The following EFCAB8 variants were observed in gnomAD, a reference collection of about 807,000 sequenced individuals.
The protein encoded by EFCAB8 is EF-hand calcium-binding domain-containing protein 8.
A neutral mutation model predicts 116.3 loss-of-function variants in EFCAB8; 100 were observed. The ratio of observed to expected loss-of-function variants is 0.86; its 90% confidence interval spans 0.73 to 1.02. The LOEUF is 1.02. Ranked by LOEUF, EFCAB8 falls within the 50% of genes least tolerant of loss-of-function variation. The pLI is 0.00. For missense variants in EFCAB8, 1,320 were observed against 1,416.9 expected (o/e 0.93, Z 1.10); for synonymous variants, 558 against 567.9 (o/e 0.98, Z 0.25).
At chr20:32,909,437 T>C (rs142129677) in intron 14 of EFCAB8, among the ~76,000 whole-genome samples, 2 of 152,282 alleles carry the variant, frequency 1.3e-5, no homozygotes, top group East Asian at 3.9e-4. Context: ...CTATGTGTTA[T>C]GGTAGAGTTG....
intron 10 of EFCAB8, among the ~76,000 whole-genome samples, chr20:32,897,973 G>A (rs542315570): frequency 7.2e-5 from 11 of 152,302 alleles, no homozygotes; most frequent in East Asian, 3.9e-4. Context: ...AGTTGGCGCC[G>A]GAGAATTCAG....
At position 32,941,216 on chromosome 20, in the gene EFCAB8, C is replaced by T. The variant is rs779417571; in HGVS notation, c.2791-2420C>T. Among the ~76,000 whole-genome samples, 7 of 148,080 alleles carry T rather than the reference C, an allele frequency of 4.7e-5. 1 individual carries two copies. The highest frequency in any genetic ancestry group is 8.9e-5 in the Non-Finnish European group (6 of 67,074). ...GCAGTGAGCAGAGATCATGCCATTG[C>T]GTTCCAGTCTGGGCAACAAGAGCAA... is the stretch of plus-strand genomic sequence containing the variant. On this transcript the variant is annotated intron_variant, in intron 22 of 26. Coordinates refer to ENST00000400522, the MANE Select transcript of EFCAB8 (RefSeq NM_001143967.2).
At chr20:32,923,783 A>G (rs1987560422) in intron 20 of EFCAB8, among the ~76,000 whole-genome samples, 3 of 152,126 alleles carry the variant, frequency 2.0e-5, no homozygotes, top group South Asian at 4.2e-4. Flanking sequence ...GAGCCATGGC[A>G]TTCCTTTTAC....
intron 5 of EFCAB8, among the ~76,000 whole-genome samples, chr20:32,884,007 A>G (rs1018963813): frequency 9.2e-5 from 14 of 152,134 alleles, no homozygotes; most frequent in Non-Finnish European, 1.6e-4. Flanking sequence ...AAGTGCTGGG[A>G]TTACAGGCGT....
At chr20:32,901,965 C>T (rs1264736585) in intron 11 of EFCAB8, among the ~76,000 whole-genome samples, 1 of 152,166 alleles carries the variant, frequency 6.6e-6, no homozygotes, top group African/African-American at 2.4e-5. Context: ...GGATTACAGG[C>T]GTGAGCCACC....
At chr20:32,910,738 CTTTTTTTTT>C (rs34185318) in intron 15 of EFCAB8, among the ~76,000 whole-genome samples, 8 of 107,314 alleles carry the variant, frequency 7.5e-5, no homozygotes, top group African/African-American at 2.4e-4. Flanking sequence ...TCACTTGCTA[CTTTTTTTTT>C]TTTTTTTTTT....
intron 23 of EFCAB8, among the ~76,000 whole-genome samples, chr20:32,945,149 A>T (rs1988546560): frequency 6.6e-6 from 1 of 151,366 alleles, no homozygotes; most frequent in South Asian, 2.1e-4. Context: ...AATTTCTGTT[A>T]TTTTTATTAT....
intron 23 of EFCAB8, among the ~76,000 whole-genome samples, chr20:32,946,220 A>G (rs1301200334): frequency 6.6e-6 from 1 of 152,224 alleles, no homozygotes; most frequent in African/African-American, 2.4e-5. Context: ...CAAGACAGAA[A>G]CTGGTTAATC....
chr20:32,877,207 C>CTTTTTTTTTTT lies in EFCAB8; in HGVS notation c.327+1172_327+1182dup, dbSNP rs757130907. The stretch of plus-strand genomic sequence containing the variant: ...TTTTCTTGTTTTTATTTATTTCTTT[C>CTTTTTTTTTTT]TTTTTTTTTTTTTTTTTTTGAGATG... On this transcript the variant is annotated intron_variant, in intron 4 of 26. Transcript: ENST00000400522. Among the ~76,000 whole-genome samples the CTTTTTTTTTTT allele has an allele frequency of 1.6e-3, 183 of 115,028 alleles. 5 individuals carry two copies. The highest frequency in any genetic ancestry group is 8.2e-3 in the Middle Eastern group (1 of 122). 75.5% of individuals were successfully genotyped at this position (115,028 alleles called of 152,430 possible).
At chr20:32,859,248 C>T (rs946343980) in intron 1 of EFCAB8, among the ~76,000 whole-genome samples, 1 of 152,212 alleles carries the variant, frequency 6.6e-6, no homozygotes, top group Non-Finnish European at 1.5e-5. Flanking sequence ...ATGGTACTCT[C>T]CCACCTGCCT....
rs1445517386 is a variant in EFCAB8, at chr20:32,871,375, G to A, written c.208+3628G>A. Among the ~76,000 whole-genome samples the A allele has an allele frequency of 2.0e-5, 3 of 152,108 alleles. No homozygotes were observed. In the East Asian group the frequency reaches 5.8e-4, roughly 29 times the overall value. On this transcript the variant is annotated intron_variant, in intron 3 of 26. Transcript: ENST00000400522. ...TGAAGCCTCGACCTCCTGGGCTCAA[G>A]CAATCCTCCTGACTCAGCCTCCAGA... is the stretch of plus-strand genomic sequence containing the variant.
chr20:32,939,171 CTTTCTTTCTTTCTTTCTTTCTTTCTTTCT>C (rs1988279079), intron 22 of EFCAB8, among the ~76,000 whole-genome samples: 1 of 88,032 alleles, frequency 1.1e-5, no homozygotes, highest in African/African-American at 4.4e-5. Context: ...TTCTTTCTTT[CTTTCTTTCTTTCTTTCTTTCTTTCTTTCT>C]TTCCTCTCTC....
intron 8 of EFCAB8, 63 bp downstream of exon 8, chr20:32,892,360 A>G: frequency 6.7e-7 from 1 of 1,496,408 alleles, no homozygotes; most frequent in Non-Finnish European, 9.1e-7. Context: ...CAGCAGCCGC[A>G]TCACTGACTA....
chr20:32,930,948 G>T (rs1267678327), intron 21 of EFCAB8, among the ~76,000 whole-genome samples: 1 of 152,206 alleles, frequency 6.6e-6, no homozygotes, highest in Non-Finnish European at 1.5e-5. Context: ...TGAGGCAGGG[G>T]TGTGCTGTCC....
At chr20:32,914,569 G>C (rs1987094312) in intron 17 of EFCAB8, among the ~76,000 whole-genome samples, 1 of 152,160 alleles carries the variant, frequency 6.6e-6, no homozygotes, top group African/African-American at 2.4e-5. Flanking sequence ...GGCTAGGAGG[G>C]GGCCTCAGGA....
At chr20:32,903,064 C>T (rs1986505021) in intron 11 of EFCAB8, among the ~76,000 whole-genome samples, 1 of 152,350 alleles carries the variant, frequency 6.6e-6, no homozygotes, top group Middle Eastern at 3.4e-3. Context: ...TCCTGACCCA[C>T]GGCCATCAAC....
chr20:32,940,168 C>G lies in EFCAB8; in HGVS notation c.2791-3468C>G, dbSNP rs1293362114. ...TTGAAGGACTCACAATTCCCAAGTT[C>G]AAAACTGAATATGAAGTTAAGTAAT... On this transcript the variant is annotated intron_variant, in intron 22 of 26. Transcript: ENST00000400522. Among the ~76,000 whole-genome samples the G allele has an allele frequency of 2.0e-5, 3 of 147,822 alleles. 1 individual carries two copies. Among genetic ancestry groups the G allele is most frequent in the Admixed American group, 2.0e-4 (3 of 14,890 alleles).
chr20:32,902,472 C>T (rs1375970236), intron 11 of EFCAB8, among the ~76,000 whole-genome samples: 1 of 152,204 alleles, frequency 6.6e-6, no homozygotes, highest in Non-Finnish European at 1.5e-5. Context: ...TCAGGTCAGA[C>T]ACGGTGGCTC....
chr20:32,931,172 G>T lies in EFCAB8; in HGVS notation c.2632-6G>T. The stretch of plus-strand genomic sequence containing the variant: ...GTGAGGCCACTAACCCACACTTTAT[G>T]TCTAGATCTGGGACATCAAGGATTA... On this transcript the variant is annotated splice_polypyrimidine_tract_variant and splice_region_variant and intron_variant, in intron 21 of 26. Transcript: ENST00000400522. The T allele has an allele frequency of 1.2e-5, 18 of 1,534,930 alleles. No individual in the cohort carries two copies. The highest frequency in any genetic ancestry group is 1.6e-5 in the Non-Finnish European group (18 of 1,139,092).
Sources: gnomAD v4.1 joint callset for allele counts (sites outside exome capture counted in the v4.1 genomes callset) on GRCh38, gnomAD v4.1.1 for gene constraint, MANE v1.5 for transcripts, NCBI Gene and HGNC (gene_info 2026-07-23, HGNC 2026-07-21) for gene names.